The following GNA14 variants were observed in gnomAD, a reference collection of about 807,000 sequenced individuals.
GNA14 encodes the protein guanine nucleotide-binding protein subunit alpha-14.
A neutral mutation model predicts 42.0 loss-of-function variants in GNA14; 50 were observed. The ratio of observed to expected loss-of-function variants is 1.19; its 90% CI spans 0.95 to 1.51. The LOEUF is 1.51. Among genes scored for constraint, GNA14 ranks in the 40% most tolerant of loss-of-function variants. GNA14 has a pLI of 0.00. For synonymous variants in GNA14, 173 were observed against 163.1 expected (o/e 1.06, Z -0.46); for missense variants, 473 against 446.2 (o/e 1.06, Z -0.54).
At chr9:77,442,703 C>T (rs1347488907) in intron 2 of GNA14, among the ~76,000 whole-genome samples, 2 of 152,194 alleles carry the variant, frequency 1.3e-5, no homozygotes, top group Non-Finnish European at 2.9e-5. Context: ...TACCTCCAGA[C>T]ACCTGGCAGA....
At chr9:77,512,908 T>TTCAA (rs1363332868) in intron 2 of GNA14, among the ~76,000 whole-genome samples, 1 of 152,230 alleles carries the variant, frequency 6.6e-6, no homozygotes. Context: ...AAATAATCTC[T>TTCAA]GGCTTGTTTA....
chr9:77,629,746 G>A (rs1467994585), intron 1 of GNA14, among the ~76,000 whole-genome samples: 2 of 152,166 alleles, frequency 1.3e-5, no homozygotes, highest in Non-Finnish European at 2.9e-5. Context: ...GGGAGCTAAG[G>A]AAGTGATAGC....
chr9:77,565,133 T>TTG (rs1459400386), intron 1 of GNA14, among the ~76,000 whole-genome samples: 1 of 152,226 alleles, frequency 6.6e-6, no homozygotes, highest in Non-Finnish European at 1.5e-5. Flanking sequence ...TATATGGCAT[T>TTG]TGTATACATG....
intron 1 of GNA14, among the ~76,000 whole-genome samples, chr9:77,604,116 G>T (rs1188642291): frequency 6.6e-6 from 1 of 152,052 alleles, no homozygotes; most frequent in Non-Finnish European, 1.5e-5. Flanking sequence ...AGACTTCAGA[G>T]CTATTTCGGC....
At chr9:77,487,202 G>C (rs1209970826) in intron 2 of GNA14, among the ~76,000 whole-genome samples, 1 of 152,124 alleles carries the variant, frequency 6.6e-6, no homozygotes, top group African/African-American at 2.4e-5. Flanking sequence ...GTAGGATGGA[G>C]CTGGACAGTA....
intron 2 of GNA14, among the ~76,000 whole-genome samples, chr9:77,472,931 A>C (rs1836357867): frequency 1.3e-5 from 2 of 152,182 alleles, no homozygotes; most frequent in African/African-American, 4.8e-5. Context: ...CCCAGCCTCC[A>C]GAACTGTGAA....
At chr9:77,431,023 TTTGTGTGTGTGTG>T (rs1181473182) in intron 4 of GNA14, among the ~76,000 whole-genome samples, 1,688 of 111,584 alleles carry the variant, frequency 0.015, 19 homozygotes, top group African/African-American at 0.028. Context: ...GAAGTATACA[TTTGTGTGTGTGTG>T]TGTGTGTGTG....
intron 1 of GNA14, among the ~76,000 whole-genome samples, chr9:77,535,493 G>A (rs578217814): frequency 6.6e-6 from 1 of 152,282 alleles, no homozygotes; most frequent in South Asian, 2.1e-4. Flanking sequence ...GCACTGAGCT[G>A]AGCCGAGATC....
intron 1 of GNA14, among the ~76,000 whole-genome samples, chr9:77,623,972 T>G (rs1335244865): frequency 6.6e-6 from 1 of 152,066 alleles, no homozygotes; most frequent in Non-Finnish European, 1.5e-5. Context: ...GTGGTCTAAC[T>G]CAGAGGATCC....
chr9:77,580,484 G>T, intron 1 of GNA14: 1 of 380,246 alleles, frequency 2.6e-6, no homozygotes, highest in East Asian at 6.0e-5. Context: ...CCAGATAGCT[G>T]CATCATCAGC....
intron 2 of GNA14, among the ~76,000 whole-genome samples, chr9:77,500,459 A>G (rs894158150): frequency 6.6e-6 from 1 of 152,202 alleles, no homozygotes; most frequent in Non-Finnish European, 1.5e-5. Context: ...CATTTACCCA[A>G]TTTCCTCCAA....
chr9:77,597,338 C>T (rs1361637883), intron 1 of GNA14, among the ~76,000 whole-genome samples: 1 of 152,104 alleles, frequency 6.6e-6, no homozygotes, highest in East Asian at 1.9e-4. Context: ...CCCTTTTCGT[C>T]TCATAGCCTG....
chr9:77,549,579 G>GT (rs1837765109), intron 1 of GNA14, among the ~76,000 whole-genome samples: 1 of 152,120 alleles, frequency 6.6e-6, no homozygotes, highest in South Asian at 2.1e-4. Context: ...AAATAGCTTT[G>GT]TATTTTGTAT....
chr9:77,632,712 G>A (rs1053511203), intron 1 of GNA14, among the ~76,000 whole-genome samples: 1 of 152,144 alleles, frequency 6.6e-6, no homozygotes. Flanking sequence ...TGGTCTGGCC[G>A]CAGCCTCACA....
At chr9:77,584,418 A>T (rs546373803) in intron 1 of GNA14, among the ~76,000 whole-genome samples, 2 of 152,290 alleles carry the variant, frequency 1.3e-5, no homozygotes, top group South Asian at 2.1e-4. Context: ...CCACTGTTCT[A>T]TACCACTAGC....
At chr9:77,525,978 T>G (rs910280216) in intron 2 of GNA14, among the ~76,000 whole-genome samples, 1 of 150,414 alleles carries the variant, frequency 6.6e-6, no homozygotes, top group Non-Finnish European at 1.5e-5. Flanking sequence ...CTGAGCTCAC[T>G]GCAACCTCCA....
chr9:77,484,244 G>A (rs1836616177), intron 2 of GNA14, among the ~76,000 whole-genome samples: 1 of 152,034 alleles, frequency 6.6e-6, no homozygotes, highest in Admixed American at 6.6e-5. Flanking sequence ...ACATATCCAA[G>A]AGAAAAAATG....
intron 1 of GNA14, among the ~76,000 whole-genome samples, chr9:77,575,885 C>A (rs1330565039): frequency 6.6e-6 from 1 of 152,130 alleles, no homozygotes; most frequent in Non-Finnish European, 1.5e-5. Flanking sequence ...TAAGAACTGC[C>A]ATTTTGTGTC....
chr9:77,631,606 A>G (rs1354970551), intron 1 of GNA14, among the ~76,000 whole-genome samples: 1 of 152,196 alleles, frequency 6.6e-6, no homozygotes, highest in Non-Finnish European at 1.5e-5. Context: ...CCCACAGTAC[A>G]ATGTCAGTAT....
Sources: allele counts gnomAD v4.1 joint callset (sites outside exome capture counted in the v4.1 genomes callset), GRCh38; gene constraint gnomAD v4.1.1; transcripts MANE v1.5; gene names NCBI Gene and HGNC (gene_info 2026-07-23, HGNC 2026-07-21).